KIAA1328: variants seen among roughly 807,000 people sequenced by gnomAD.
KIAA1328 encodes protein hinderin.
Under a neutral mutation model 68.1 loss-of-function variants are expected in KIAA1328, and 52 were observed. The observed-to-expected ratio is 0.76, with a 90% CI of 0.61 to 0.96. The LOEUF (loss-of-function observed/expected upper bound fraction) is 0.96, where lower values mean the gene tolerates loss of function less well. Ranked by LOEUF, KIAA1328 falls within the 40% of genes least tolerant of loss-of-function variation. The pLI, the probability that KIAA1328 is intolerant of heterozygous loss-of-function variation, is 0.00. For synonymous variants in KIAA1328, 232 were observed against 239.4 expected (o/e 0.97, Z 0.28); for missense variants, 641 against 677.6 (o/e 0.95, Z 0.60).
intron 6 of KIAA1328, among the ~76,000 whole-genome samples, chr18:36,979,522 A>C (rs2052601808): frequency 1.3e-5 from 2 of 152,170 alleles, no homozygotes; most frequent in African/African-American, 4.8e-5. Context: ...ATAGGAAGTA[A>C]ATGATGCTGC....
intron 6 of KIAA1328, among the ~76,000 whole-genome samples, chr18:37,058,660 C>T (rs552679110): frequency 1.4e-4 from 21 of 151,916 alleles, no homozygotes; most frequent in African/African-American, 4.8e-4. Flanking sequence ...TGCAGTGAGC[C>T]GAGATCATGC....
intron 9 of KIAA1328, among the ~76,000 whole-genome samples, chr18:37,203,441 C>CT (rs1327123226): frequency 6.6e-6 from 1 of 152,118 alleles, no homozygotes; most frequent in Non-Finnish European, 1.5e-5. Context: ...CCTCGTCTTT[C>CT]TTATAACCTT....
intron 6 of KIAA1328, among the ~76,000 whole-genome samples, chr18:37,020,829 G>A (rs1180729633): frequency 6.6e-6 from 1 of 152,156 alleles, no homozygotes; most frequent in Non-Finnish European, 1.5e-5. Context: ...AGGAATGACT[G>A]AGTTGGCTCA....
At chr18:36,887,980 C>G (rs758688056) in intron 5 of KIAA1328, among the ~76,000 whole-genome samples, 5 of 152,098 alleles carry the variant, frequency 3.3e-5, no homozygotes, top group Non-Finnish European at 7.4e-5. Flanking sequence ...TTGTGGTTAT[C>G]TGGAAAAGTA....
intron 7 of KIAA1328, among the ~76,000 whole-genome samples, chr18:37,121,438 C>CTATG (rs1376465681): frequency 2.0e-5 from 3 of 151,792 alleles, no homozygotes; most frequent in Non-Finnish European, 4.4e-5. Context: ...ATCTATCTAT[C>CTATG]TATCTATCTA....
At chr18:37,190,983 GA>G (rs2059894135) in intron 9 of KIAA1328, among the ~76,000 whole-genome samples, 1 of 152,188 alleles carries the variant, frequency 6.6e-6, no homozygotes, top group Admixed American at 6.5e-5. Context: ...GCACTTGGGA[GA>G]AACCCTAGTT....
chr18:36,973,832 C>T (rs112438498), intron 6 of KIAA1328, among the ~76,000 whole-genome samples: 7 of 128,260 alleles, frequency 5.5e-5, no homozygotes, highest in African/African-American at 2.6e-4. Flanking sequence ...CACACACATA[C>T]ACACACACAC....
intron 4 of KIAA1328, among the ~76,000 whole-genome samples, chr18:36,883,430 C>T (rs1414260798): frequency 6.6e-6 from 1 of 152,154 alleles, no homozygotes; most frequent in Non-Finnish European, 1.5e-5. Context: ...CATTTTTGAG[C>T]ATGCCCAAAT....
intron 5 of KIAA1328, among the ~76,000 whole-genome samples, chr18:36,891,670 A>G (rs1440031919): frequency 6.6e-6 from 1 of 152,166 alleles, no homozygotes; most frequent in Non-Finnish European, 1.5e-5. Context: ...GTAGTATTCC[A>G]TTGTGTGTAT....
At chr18:36,969,495 GAC>G (rs2052082398) in intron 6 of KIAA1328, among the ~76,000 whole-genome samples, 1 of 152,090 alleles carries the variant, frequency 6.6e-6, no homozygotes, top group Non-Finnish European at 1.5e-5. Context: ...AACCATCAGA[GAC>G]TATTATGAAC....
At chr18:37,205,853 G>A (rs1056096128) in intron 9 of KIAA1328, among the ~76,000 whole-genome samples, 1 of 152,154 alleles carries the variant, frequency 6.6e-6, no homozygotes, top group Non-Finnish European at 1.5e-5. Context: ...AAAGGGTATT[G>A]TCTAATATTG....
At chr18:36,834,391 T>A in intron 2 of KIAA1328, 36 bp downstream of exon 2, 1 of 1,540,112 alleles carries the variant, frequency 6.5e-7, no homozygotes, top group Non-Finnish European at 8.8e-7. Context: ...GGAAGCTTAC[T>A]TTGGTCCTTA....
chr18:37,004,708 A>G (rs1440805413), intron 6 of KIAA1328, among the ~76,000 whole-genome samples: 1 of 152,148 alleles, frequency 6.6e-6, no homozygotes, highest in East Asian at 1.9e-4. Flanking sequence ...TTAACGAACT[A>G]AAAGTAGAAC....
intron 7 of KIAA1328, among the ~76,000 whole-genome samples, chr18:37,112,986 C>T (rs2057981298): frequency 6.6e-6 from 1 of 152,060 alleles, no homozygotes; most frequent in Non-Finnish European, 1.5e-5. Flanking sequence ...ATGAAAAAAG[C>T]CTCCAAGAAA....
intron 6 of KIAA1328, among the ~76,000 whole-genome samples, chr18:37,020,139 T>C (rs974227281): frequency 6.6e-6 from 1 of 152,170 alleles, no homozygotes. Flanking sequence ...TTTTCTTTTT[T>C]TGGAGACAGA....
At position 37,005,815 on chromosome 18, in the gene KIAA1328, T is replaced by C. The variant is rs191494221; in HGVS notation, c.576+46380T>C. Among the ~76,000 whole-genome samples the C allele has an allele frequency of 1.4e-3, 220 of 152,230 alleles. 2 individuals carry two copies. The highest frequency in any genetic ancestry group is 5.1e-3 in the African/African-American group (211 of 41,558). ...TCATTTCCAGCAACATGGATGGAACTGGAAGTCATTATCTTAAGTGAAATA... is the reference window on the plus strand; with the variant it reads ...TCATTTCCAGCAACATGGATGGAACCGGAAGTCATTATCTTAAGTGAAATA... On this transcript the variant is annotated intron_variant, in intron 6 of 9. Coordinates refer to ENST00000280020, the MANE Select transcript of KIAA1328 (RefSeq NM_020776.3).
intron 6 of KIAA1328, among the ~76,000 whole-genome samples, chr18:36,998,645 C>G (rs547999882): frequency 9.9e-4 from 150 of 152,282 alleles, no homozygotes; most frequent in African/African-American, 3.5e-3. Context: ...ACCCCCTAGC[C>G]CCTAAGGAAA....
intron 7 of KIAA1328, among the ~76,000 whole-genome samples, chr18:37,105,879 T>G (rs992441701): frequency 8.3e-6 from 1 of 120,180 alleles, no homozygotes; most frequent in Non-Finnish European, 1.6e-5. Flanking sequence ...ATTGCTCCAC[T>G]GCGCTCCAGC....
intron 6 of KIAA1328, among the ~76,000 whole-genome samples, chr18:37,032,091 A>T (rs967363533): frequency 6.6e-6 from 1 of 152,164 alleles, no homozygotes; most frequent in Non-Finnish European, 1.5e-5. Flanking sequence ...GAGGCAGGAG[A>T]ATCTCTGGAG....
Sources: gnomAD v4.1 joint callset for allele counts (sites outside exome capture counted in the v4.1 genomes callset) on GRCh38, gnomAD v4.1.1 for gene constraint, MANE v1.5 for transcripts, NCBI Gene and HGNC (gene_info 2026-07-23, HGNC 2026-07-21) for gene names.